The following AKAP19 variants were observed in gnomAD, a reference collection of about 807,000 sequenced individuals.
The protein encoded by AKAP19 is A-kinase anchoring protein 19, also known as small A-kinase anchoring protein.
chr2:190,066,262 T>C, the AKAP19 span, among the ~76,000 whole-genome samples: 1 of 152,294 alleles, frequency 6.6e-6, no homozygotes, highest in East Asian at 1.9e-4. Flanking sequence ...CTGTTACAAA[T>C]ACTCACTGGT....
At chr2:189,914,453 T>C in the AKAP19 span, among the ~76,000 whole-genome samples, 7 of 152,044 alleles carry the variant, frequency 4.6e-5, no homozygotes, top group African/African-American at 1.7e-4. Context: ...AATATGAAGG[T>C]GATTATTGAA....
the AKAP19 span, among the ~76,000 whole-genome samples, chr2:190,126,312 A>AAAAAAAAAAAAAG: frequency 7.1e-6 from 1 of 141,574 alleles, no homozygotes; most frequent in Non-Finnish European, 1.5e-5. Flanking sequence ...AAAAAAAAAA[A>AAAAAAAAAAAAAG]AAAAAAAAAA....
the AKAP19 span, among the ~76,000 whole-genome samples, chr2:190,122,945 G>A: frequency 6.6e-6 from 1 of 151,834 alleles, no homozygotes; most frequent in African/African-American, 2.4e-5. Context: ...GAGTAGCTGG[G>A]ACTGTAGGCA....
At chr2:190,171,820 T>G in the AKAP19 span, among the ~76,000 whole-genome samples, 5 of 152,214 alleles carry the variant, frequency 3.3e-5, no homozygotes, top group Admixed American at 2.0e-4. Context: ...TTTCTTTGAA[T>G]TCTTTGTTAT....
At chr2:190,149,904 T>G in the AKAP19 span, among the ~76,000 whole-genome samples, 1 of 152,218 alleles carries the variant, frequency 6.6e-6, no homozygotes, top group African/African-American at 2.4e-5. Flanking sequence ...GGTCTAGTGC[T>G]GTCAGTGGAG....
the AKAP19 span, among the ~76,000 whole-genome samples, chr2:189,892,016 G>A: frequency 6.6e-6 from 1 of 151,444 alleles, no homozygotes; most frequent in African/African-American, 2.4e-5. Flanking sequence ...TCTTCTGCTT[G>A]ATCGATTCAG....
At chr2:189,943,907 T>A in the AKAP19 span, among the ~76,000 whole-genome samples, 2 of 152,250 alleles carry the variant, frequency 1.3e-5, no homozygotes, top group Non-Finnish European at 2.9e-5. Context: ...TGGGAATGTT[T>A]ACTCAGTGCT....
chr2:190,044,709 G>T, the AKAP19 span, among the ~76,000 whole-genome samples: 1 of 152,198 alleles, frequency 6.6e-6, no homozygotes, highest in African/African-American at 2.4e-5. Context: ...GGCTGCTGCA[G>T]TATGCTTGGG....
chr2:189,904,298 A>T, the AKAP19 span, among the ~76,000 whole-genome samples: 1 of 152,016 alleles, frequency 6.6e-6, no homozygotes, highest in East Asian at 1.9e-4. Context: ...TGTTTTGCAG[A>T]TGAAACACAA....
At chr2:189,961,861 CAG>C in the AKAP19 span, among the ~76,000 whole-genome samples, 3 of 150,884 alleles carry the variant, frequency 2.0e-5, no homozygotes, top group Non-Finnish European at 4.4e-5. Flanking sequence ...GCAGTGAGCC[CAG>C]ATCACACCAC....
At chr2:189,909,575 T>C in the AKAP19 span, among the ~76,000 whole-genome samples, 1 of 152,176 alleles carries the variant, frequency 6.6e-6, no homozygotes, top group Admixed American at 6.5e-5. Flanking sequence ...GTGTTATATT[T>C]ATAATAGTCT....
the AKAP19 span, among the ~76,000 whole-genome samples, chr2:189,967,034 C>T: frequency 6.6e-6 from 1 of 152,318 alleles, no homozygotes; most frequent in Non-Finnish European, 1.5e-5. Flanking sequence ...TACATGGCTT[C>T]TCAAATACTC....
the AKAP19 span, among the ~76,000 whole-genome samples, chr2:190,191,314 C>T: frequency 6.6e-6 from 1 of 151,982 alleles, no homozygotes; most frequent in Non-Finnish European, 1.5e-5. Flanking sequence ...TGCTAACTTT[C>T]TTGTATTTTC....
chr2:190,092,889 T>G, the AKAP19 span, among the ~76,000 whole-genome samples: 12 of 152,334 alleles, frequency 7.9e-5, no homozygotes, highest in South Asian at 2.5e-3. Context: ...TTCTACTGAC[T>G]AATTCTAAAC....
chr2:189,892,110 G>A, the AKAP19 span, among the ~76,000 whole-genome samples: 1 of 151,776 alleles, frequency 6.6e-6, no homozygotes, highest in Non-Finnish European at 1.5e-5. Context: ...CTCTAAACTG[G>A]TTATTGTAGT....
At chr2:189,976,219 CT>C in the AKAP19 span, among the ~76,000 whole-genome samples, 53 of 152,338 alleles carry the variant, frequency 3.5e-4, 2 homozygotes, top group Non-Finnish European at 5.9e-4. Flanking sequence ...CACTGCAGGC[CT>C]GTTGGAGTAT....
chr2:190,043,959 AGT>A, the AKAP19 span, among the ~76,000 whole-genome samples: 1 of 152,204 alleles, frequency 6.6e-6, no homozygotes, highest in Non-Finnish European at 1.5e-5. Context: ...GGAATATGTT[AGT>A]GAGGTATTTT....
chr2:190,101,937 C>G, the AKAP19 span, among the ~76,000 whole-genome samples: 36 of 152,150 alleles, frequency 2.4e-4, no homozygotes, highest in African/African-American at 8.4e-4. Context: ...CAAGGTTGAC[C>G]ACATGCTCTG....
chr2:190,171,645 T>C, the AKAP19 span, among the ~76,000 whole-genome samples: 1 of 152,162 alleles, frequency 6.6e-6, no homozygotes, highest in African/African-American at 2.4e-5. Flanking sequence ...TTATTTCTCT[T>C]TTTTTGGCCA....
Sources: gnomAD v4.1 joint callset for allele counts (sites outside exome capture counted in the v4.1 genomes callset) on GRCh38, gnomAD v4.1.1 for gene constraint, MANE v1.5 for transcripts, NCBI Gene and HGNC (gene_info 2026-07-23, HGNC 2026-07-21) for gene names.